SAP130: variants seen among roughly 807,000 people sequenced by gnomAD.
The protein encoded by SAP130 is Sin3A associated protein 130.
A neutral mutation model predicts 103.2 loss-of-function variants in SAP130; 16 were observed. That is an observed-to-expected ratio of 0.16 (90% CI 0.10 to 0.24). The LOEUF (loss-of-function observed/expected upper bound fraction) is 0.24, where lower values mean the gene tolerates loss of function less well. Ranked by LOEUF, SAP130 falls within the 10% of genes least tolerant of loss-of-function variation. The pLI is 1.00. For synonymous variants in SAP130, 477 were observed against 497.0 expected, an observed-to-expected ratio of 0.96 and a Z score of 0.53; for missense variants, 990 against 1,359.7, an observed-to-expected ratio of 0.73 and a Z score of 4.28.
intron 18 of SAP130, among the ~76,000 whole-genome samples, chr2:127,947,756 G>GTC (rs1679187414): frequency 7.4e-6 from 1 of 135,814 alleles, no homozygotes; most frequent in African/African-American, 3.2e-5. Context: ...ATTTTGTATT[G>GTC]TGTGTGTCTG....
chr2:127,966,946 T>C (rs553233672), intron 15 of SAP130, among the ~76,000 whole-genome samples: 78 of 152,164 alleles, frequency 5.1e-4, no homozygotes, highest in African/African-American at 1.7e-3. Context: ...TTAACTTCAA[T>C]AACATACAAA....
chr2:127,990,109 A>G (rs1245258503), intron 12 of SAP130, among the ~76,000 whole-genome samples: 2 of 152,240 alleles, frequency 1.3e-5, no homozygotes, highest in Non-Finnish European at 2.9e-5. Flanking sequence ...GATTAAAACA[A>G]GAAAAAAGGC....
At chr2:127,958,635 TGAGAGAGAGAGAG>T (rs1332212383) in intron 15 of SAP130, among the ~76,000 whole-genome samples, 1 of 127,638 alleles carries the variant, frequency 7.8e-6, no homozygotes, top group Non-Finnish European at 1.6e-5. Flanking sequence ...GTGAGACAGA[TGAGAGAGAGAGAG>T]AGAGAGAGAG....
At chr2:127,949,276 T>C (rs2104720272) in intron 18 of SAP130, among the ~76,000 whole-genome samples, 1 of 152,336 alleles carries the variant, frequency 6.6e-6, no homozygotes, top group Admixed American at 6.5e-5. Flanking sequence ...TTAATGGCAC[T>C]TAAAGTCCAT....
At chr2:127,968,912 T>C (rs1013327777) in intron 15 of SAP130, among the ~76,000 whole-genome samples, 7 of 152,206 alleles carry the variant, frequency 4.6e-5, no homozygotes, top group Non-Finnish European at 7.3e-5. Context: ...AACATCAGTT[T>C]TGCAGATGAA....
intron 16 of SAP130, 98 bp from the exon 17 acceptor site, chr2:127,950,506 CAG>C (rs1214537850): frequency 1.5e-6 from 2 of 1,360,466 alleles, no homozygotes; most frequent in Non-Finnish European, 2.0e-6. Context: ...GAAGACAGCA[CAG>C]AGCACCAACA....
At chr2:127,992,136 T>A (rs1682853058) in intron 12 of SAP130, among the ~76,000 whole-genome samples, 2 of 152,098 alleles carry the variant, frequency 1.3e-5, no homozygotes, top group Admixed American at 6.6e-5. Context: ...CATGCCCACC[T>A]AATTTTTTAA....
chr2:127,979,956 C>A (rs1050433036), intron 14 of SAP130, among the ~76,000 whole-genome samples: 47 of 151,604 alleles, frequency 3.1e-4, no homozygotes. Context: ...CAGCTCACTG[C>A]AATCTCCGCC....
chr2:127,989,435 T>A lies in SAP130; in HGVS notation c.1780+129A>T. 1.2e-6 allele frequency: 1 copy of A among 812,500 alleles called. No homozygotes were observed. The highest frequency in any genetic ancestry group is 1.9e-6 in the Non-Finnish European group (1 of 524,128). 50.3% of individuals were successfully genotyped at this position (812,500 alleles called of 1,614,324 possible). ...GAAACTCTAAGTTCTAAGCAACTCA[T>A]ATTATTAATACAAAGAAGAAAAGGC... On this transcript the variant is annotated intron_variant, in intron 13 of 20. Coordinates refer to ENST00000643581, the MANE Select transcript of SAP130 (RefSeq NM_001330301.2). This position sits in a 1 kb window ranked among gnomAD's most constrained non-coding sequence, Gnocchi z 4.6.
At position 128,000,394 on chromosome 2, in the gene SAP130, G is replaced by A. The variant is rs938455657; in HGVS notation, c.930C>T (p.Ala310=). 1 of 1,614,128 alleles carries A rather than the reference G, an allele frequency of 6.2e-7. No individual in the cohort carries two copies. The change falls in exon 8 of 21, where the codon GCC becomes GCT. Residue 310 remains alanine, a synonymous_variant. Transcript: ENST00000643581. The part of the protein sequence containing the change: ...PSAAISIQRP[A]QSRDVTTRIT... ...TTCTTGTTGTGACATCTCGTGACTG[G>A]GCAGGACGCTGAATACTGATTGCTG...
At chr2:128,027,853 G>C in intron 1 of SAP130, 87 bp downstream of exon 1, 1 of 861,598 alleles carries the variant, frequency 1.2e-6, no homozygotes, top group Non-Finnish European at 1.4e-6. Context: ...CCGGGGACGC[G>C]CAACGGGACG....
chr2:127,949,976 T>C lies in SAP130; in HGVS notation c.2690A>G (p.Tyr897Cys), dbSNP rs1207981878. The C allele has an allele frequency of 6.2e-7, 1 of 1,614,170 alleles. No homozygotes were observed. The highest frequency in any genetic ancestry group is 1.7e-5 in the Admixed American group (1 of 60,008). The change falls in exon 18 of 21, where the codon TAT becomes TGT. Residue 897 changes from tyrosine (Y) to cysteine (C), a missense_variant. By Grantham distance (194) the Tyr-to-Cys change is radical. Coordinates refer to ENST00000643581, the MANE Select transcript of SAP130 (RefSeq NM_001330301.2). ...KEYIDEEGVR[Y>C]VPVRPRPPIT... Reference sequence around the variant, plus strand: ...GGGGGGTCTTGGACGCACTGGGACATATCTCACACCTTCCTCATCTGTTAA... The same window carrying C: ...GGGGGGTCTTGGACGCACTGGGACACATCTCACACCTTCCTCATCTGTTAA...
At position 127,983,820 on chromosome 2, in the gene SAP130, GTTGTTTTTTT is replaced by G. The variant is rs1221814578; in HGVS notation, c.1958+2955_1958+2964del. On this transcript the variant is annotated intron_variant, in intron 14 of 20. Transcript: ENST00000643581. ...AGTTTTGGTAATTTTCTATTACTTT[GTTGTTTTTTT>G]TTTTTTTTTTTTTTTTAAACATTTA... Among the ~76,000 whole-genome samples the G allele has an allele frequency of 1.4e-4, 16 of 112,368 alleles. No individual in the cohort carries two copies. In the South Asian group the frequency reaches 2.9e-3, roughly 20 times the overall value. The allele number at this position is 112,368 out of a possible 152,430, so 73.7% of individuals were successfully genotyped here. A position where few individuals can be genotyped will look rare whatever the true frequency, so the allele number is the denominator to read the frequency against.
At chr2:127,981,045 T>C (rs986156576) in intron 14 of SAP130, among the ~76,000 whole-genome samples, 4 of 152,074 alleles carry the variant, frequency 2.6e-5, no homozygotes, top group Non-Finnish European at 5.9e-5. Flanking sequence ...TGTTGGTAAC[T>C]GTTAAGGTCA....
intron 16 of SAP130, among the ~76,000 whole-genome samples, chr2:127,952,098 T>C (rs1679533184): frequency 6.6e-6 from 1 of 152,162 alleles, no homozygotes. Context: ...GCATCATCAA[T>C]TCTTCTCACT....
chr2:127,970,951 TTC>T (rs912430771), intron 15 of SAP130, among the ~76,000 whole-genome samples: 7 of 151,990 alleles, frequency 4.6e-5, no homozygotes, highest in Non-Finnish European at 7.4e-5. Context: ...TCTTTTATCT[TTC>T]TCTCTTTTTT....
intron 18 of SAP130, among the ~76,000 whole-genome samples, chr2:127,947,135 A>G: frequency 6.6e-6 from 1 of 151,978 alleles, no homozygotes; most frequent in Non-Finnish European, 1.5e-5. Flanking sequence ...CAGGAACACC[A>G]AAGATCGCTG....
chr2:127,957,494 G>C (rs1679925135), intron 15 of SAP130, among the ~76,000 whole-genome samples: 1 of 152,030 alleles, frequency 6.6e-6, no homozygotes, highest in Non-Finnish European at 1.5e-5. Flanking sequence ...AGTTAACATA[G>C]GGAAACCCCA....
Position 127,953,900 on chromosome 2 carries a change from A to T in SAP130, c.2422+1086T>A, listed in dbSNP as rs1051057422. ...TATATATACATACATACATACATATATAATTTAGTCATCTTTTTGCTTTTG... is the reference window on the plus strand; with the variant it reads ...TATATATACATACATACATACATATTTAATTTAGTCATCTTTTTGCTTTTG... On this transcript the variant is annotated intron_variant, in intron 16 of 20. Transcript: ENST00000643581. The surrounding 1 kb of genome is among the most constrained non-coding windows in gnomAD (Gnocchi z 4.0). 2.0e-5 allele frequency among the ~76,000 whole-genome samples: 3 copies of T among 152,238 alleles called. No homozygotes were observed. The highest frequency in any genetic ancestry group is 4.4e-5 in the Non-Finnish European group (3 of 68,044).
Sources: allele counts gnomAD v4.1 joint callset (sites outside exome capture counted in the v4.1 genomes callset), GRCh38; gene constraint gnomAD v4.1.1; non-coding constraint Gnocchi (gnomAD v3.1); transcripts MANE v1.5; gene names NCBI Gene and HGNC (gene_info 2026-07-23, HGNC 2026-07-21).